Variants in ICA1 observed in about 807,000 individuals in gnomAD.
ICA1 encodes islet cell autoantigen 1.
A neutral mutation model predicts 71.0 loss-of-function variants in ICA1; 40 were observed. That is an observed-to-expected ratio of 0.56 (90% CI 0.44 to 0.73). The LOEUF (loss-of-function observed/expected upper bound fraction) is 0.73. Ranked by LOEUF, ICA1 falls within the 30% of genes least tolerant of loss-of-function variation. The pLI, the probability that ICA1 is intolerant of heterozygous loss-of-function variation, is 0.00. For synonymous variants in ICA1, 207 were observed against 209.5 expected (o/e 0.99, Z 0.10); for missense variants, 578 against 576.5 (o/e 1.00, Z -0.03).
At chr7:8,197,560 A>G (rs1214065030) in intron 6 of ICA1, among the ~76,000 whole-genome samples, 3 of 114,752 alleles carry the variant, frequency 2.6e-5, no homozygotes, top group South Asian at 3.2e-4. Context: ...AAAAAAAAAA[A>G]AAGAAGAAAG....
intron 4 of ICA1, 64 bp downstream of exon 4, chr7:8,228,537 T>TG: frequency 2.0e-6 from 2 of 995,230 alleles, no homozygotes; most frequent in Non-Finnish European, 3.0e-6. Context: ...AAATGATGTA[T>TG]CAAGACAAAA....
intron 7 of ICA1, chr7:8,157,528 T>G: frequency 3.2e-6 from 1 of 307,764 alleles, no homozygotes; most frequent in Non-Finnish European, 5.9e-6. Flanking sequence ...ACTGTTGCAA[T>G]CCCTCAGCTG....
In ICA1 at chr7:8,115,159, T is replaced by C. The variant is rs77110527; in HGVS notation, c.1331-1115A>G. On this transcript the variant is annotated intron_variant, in intron 13 of 13. Transcript: ENST00000402384. ...CTCTTTTTGTAAAAAAAGTCTTTTGTAGATATTAATGTATCTACATGTAAA... is the reference window on the plus strand; with the variant it reads ...CTCTTTTTGTAAAAAAAGTCTTTTGCAGATATTAATGTATCTACATGTAAA... Among the ~76,000 whole-genome samples the C allele has an allele frequency of 8.9e-3, 1,349 of 152,368 alleles. 24 individuals are homozygous for C. The highest frequency in any genetic ancestry group is 0.03 in the African/African-American group (1,259 of 41,586).
intron 13 of ICA1, among the ~76,000 whole-genome samples, chr7:8,117,110 T>G (rs1185880932): frequency 6.6e-6 from 1 of 152,158 alleles, no homozygotes; most frequent in Non-Finnish European, 1.5e-5. Context: ...GCTCCACACT[T>G]CTCCTTCCTG....
intron 12 of ICA1, among the ~76,000 whole-genome samples, chr7:8,129,244 A>G (rs1790497847): frequency 6.6e-6 from 1 of 152,160 alleles, no homozygotes; most frequent in Non-Finnish European, 1.5e-5. Flanking sequence ...GTTAATTCAC[A>G]AAGAGAAGAA....
intron 1 of ICA1, among the ~76,000 whole-genome samples, chr7:8,261,159 A>C (rs1421633291): frequency 6.6e-6 from 1 of 152,102 alleles, no homozygotes; most frequent in African/African-American, 2.4e-5. Flanking sequence ...TAATTTTTTA[A>C]TGCCATCTAA....
chr7:8,158,347 A>G (rs41282691), intron 7 of ICA1, 180 bp downstream of exon 7: 56,081 of 646,838 alleles, frequency 0.087, 4,573 homozygotes, highest in African/African-American at 0.32. Context: ...ACAGGAAATA[A>G]CTACTATTTG....
intron 1 of ICA1, among the ~76,000 whole-genome samples, chr7:8,246,433 G>A (rs1287906791): frequency 6.6e-6 from 1 of 152,218 alleles, no homozygotes; most frequent in Non-Finnish European, 1.5e-5. Context: ...GTCTAAGGCA[G>A]AAATATAGGT....
chr7:8,190,979 ACTCCAG>A (rs1206164676), intron 6 of ICA1, among the ~76,000 whole-genome samples: 5 of 152,116 alleles, frequency 3.3e-5, no homozygotes, highest in African/African-American at 1.2e-4. Context: ...CAGGAACATG[ACTCCAG>A]TATGATAATG....
chr7:8,171,461 CT>C (rs1193908191), intron 6 of ICA1, among the ~76,000 whole-genome samples: 6 of 151,764 alleles, frequency 4.0e-5, no homozygotes, highest in Non-Finnish European at 8.9e-5. Flanking sequence ...CTTTTAGTGC[CT>C]GTACTGTCTA....
intron 8 of ICA1, among the ~76,000 whole-genome samples, chr7:8,154,747 A>T (rs1800905322): frequency 2.0e-5 from 3 of 152,232 alleles, no homozygotes; most frequent in East Asian, 1.9e-4. Flanking sequence ...TGTATTAAAA[A>T]TACTGGTGCA....
At chr7:8,214,995 C>T (rs915999502) in intron 6 of ICA1, among the ~76,000 whole-genome samples, 9 of 152,072 alleles carry the variant, frequency 5.9e-5, no homozygotes, top group African/African-American at 2.2e-4. Flanking sequence ...GTCTACCTCC[C>T]CCTTCATTTC....
chr7:8,238,632 T>C (rs1362389791), intron 1 of ICA1, among the ~76,000 whole-genome samples: 1 of 152,230 alleles, frequency 6.6e-6, no homozygotes, highest in Non-Finnish European at 1.5e-5. Flanking sequence ...TCCTTTACTA[T>C]GACTTTTTAA....
intron 6 of ICA1, among the ~76,000 whole-genome samples, chr7:8,190,218 G>GT (rs1287043262): frequency 2.9e-3 from 424 of 146,812 alleles, no homozygotes; most frequent in Middle Eastern, 3.6e-3. Context: ...GTTTCTTCCA[G>GT]TTTTTTTTTT....
chr7:8,245,378 G>A lies in ICA1; in HGVS notation c.-79-9373C>T, dbSNP rs184060904. Among the ~76,000 whole-genome samples, 579 of 140,740 alleles carry A rather than the reference G, an allele frequency of 4.1e-3. 3 individuals carry two copies. The highest frequency in any genetic ancestry group is 0.014 in the African/African-American group (546 of 38,510). The allele number at this position is 140,740 out of a possible 152,430, so 92.3% of individuals were successfully genotyped here. A position where few individuals can be genotyped will look rare whatever the true frequency, so the allele number is the denominator to read the frequency against. On this transcript the variant is annotated intron_variant, in intron 1 of 13. Coordinates refer to ENST00000402384, the MANE Select transcript of ICA1 (RefSeq NM_001136020.3). ...AGAACAATGAGAACACTTGGTCACT[G>A]GGTAGAAACATCACACACTGGGGCC... is the stretch of plus-strand genomic sequence containing the variant.
intron 1 of ICA1, among the ~76,000 whole-genome samples, chr7:8,255,242 T>C (rs1809663203): frequency 6.6e-6 from 1 of 152,186 alleles, no homozygotes; most frequent in South Asian, 2.1e-4. Flanking sequence ...TCTAAGCCCA[T>C]GCTCTCTGGT....
intron 4 of ICA1, 133 bp from the exon 5 acceptor site, chr7:8,221,531 C>T: frequency 3.0e-6 from 3 of 997,140 alleles, no homozygotes; most frequent in Non-Finnish European, 4.4e-6. Flanking sequence ...AAGCGGCAGG[C>T]TACAGGGTAA....
chr7:8,240,082 T>G (rs549863517), intron 1 of ICA1, among the ~76,000 whole-genome samples: 1 of 152,328 alleles, frequency 6.6e-6, no homozygotes, highest in African/African-American at 2.4e-5. Flanking sequence ...ATGGACAGAC[T>G]GCCTCCTCAA....
At position 8,138,830 on chromosome 7, in the gene ICA1, T is replaced by C. The variant is rs768259514; in HGVS notation, c.1060+10A>G. 1.3e-6 allele frequency: 2 copies of C among 1,588,884 alleles called. No homozygotes were observed. The highest frequency in any genetic ancestry group is 1.7e-6 in the Non-Finnish European group (2 of 1,159,250). ...CAAATCATAATCCCAAAGAAACACATAAATCTTACCACCTTCCTCAGATTT... is the reference window on the plus strand; with the variant it reads ...CAAATCATAATCCCAAAGAAACACACAAATCTTACCACCTTCCTCAGATTT... On this transcript the variant is annotated intron_variant, in intron 12 of 13. Transcript: ENST00000402384.
Sources: allele counts gnomAD v4.1 joint callset (sites outside exome capture counted in the v4.1 genomes callset), GRCh38; gene constraint gnomAD v4.1.1; transcripts MANE v1.5; gene names NCBI Gene and HGNC (gene_info 2026-07-23, HGNC 2026-07-21).